The following PRKCQ variants were observed in gnomAD, a reference collection of about 807,000 sequenced individuals.
PRKCQ encodes the protein protein kinase C theta type.
A neutral mutation model predicts 91.2 loss-of-function variants in PRKCQ; 41 were observed. That is an observed-to-expected ratio of 0.45 (90% CI 0.35 to 0.58). The LOEUF is 0.58. PRKCQ is among the 20% of genes least tolerant of loss of function. PRKCQ has a pLI of 0.00. For synonymous variants in PRKCQ, 307 were observed against 316.9 expected, an observed-to-expected ratio of 0.97 and a Z score of 0.33; for missense variants, 673 against 896.5, an observed-to-expected ratio of 0.75 and a Z score of 3.18.
intron 13 of PRKCQ, among the ~76,000 whole-genome samples, chr10:6,463,989 C>G (rs1835496838): frequency 6.6e-6 from 1 of 152,202 alleles, no homozygotes. Flanking sequence ...CCCTGGGGAC[C>G]ACCCTTGAGG....
intron 1 of PRKCQ, among the ~76,000 whole-genome samples, chr10:6,529,160 C>T (rs915921987): frequency 1.3e-5 from 2 of 152,168 alleles, no homozygotes; most frequent in Non-Finnish European, 2.9e-5. Context: ...ATGAGGATTT[C>T]TATGGACAAA....
At chr10:6,415,347 T>C in the PRKCQ span, among the ~76,000 whole-genome samples, 1 of 147,588 alleles carries the variant, frequency 6.8e-6, no homozygotes, top group East Asian at 2.0e-4. Context: ...CCAACACATA[T>C]TGTAATCAAA....
chr10:6,513,447 C>CAAA (rs58606251), intron 2 of PRKCQ, among the ~76,000 whole-genome samples: 10 of 105,598 alleles, frequency 9.5e-5, no homozygotes, highest in South Asian at 6.4e-4. Flanking sequence ...AGGCCAAATG[C>CAAA]AAAAAAAAAA....
downstream of PRKCQ, among the ~76,000 whole-genome samples, chr10:6,426,166 T>C (rs1010704629): frequency 1.3e-5 from 2 of 151,368 alleles, no homozygotes; most frequent in Non-Finnish European, 3.0e-5. Context: ...GGACTTTAGA[T>C]AGCGTCTTCA....
intron 7 of PRKCQ, among the ~76,000 whole-genome samples, chr10:6,494,231 G>A (rs1437782472): frequency 3.3e-5 from 5 of 152,076 alleles, no homozygotes; most frequent in Admixed American, 3.3e-4. Flanking sequence ...CGGTTAAACT[G>A]TGGAAGCTCC....
At chr10:6,573,098 C>G (rs1052874390) in intron 1 of PRKCQ, among the ~76,000 whole-genome samples, 3 of 152,094 alleles carry the variant, frequency 2.0e-5, no homozygotes, top group Non-Finnish European at 4.4e-5. Flanking sequence ...GAAATAATTA[C>G]CCTTCCTACA....
At chr10:6,410,987 AAAAAAAAAAAG>A in the PRKCQ span, among the ~76,000 whole-genome samples, 1 of 151,850 alleles carries the variant, frequency 6.6e-6, no homozygotes, top group Non-Finnish European at 1.5e-5. Context: ...AAAAAAAAAA[AAAAAAAAAAAG>A]GTCCATTCCA....
the PRKCQ span, among the ~76,000 whole-genome samples, chr10:6,398,256 G>A: frequency 0.01 from 1,528 of 152,176 alleles, 13 homozygotes; most frequent in Non-Finnish European, 0.014. Flanking sequence ...CTAGTCTTAC[G>A]CCAGTACCAC....
chr10:6,501,423 T>C (rs1837905443), intron 4 of PRKCQ, among the ~76,000 whole-genome samples: 2 of 151,942 alleles, frequency 1.3e-5, no homozygotes, highest in Non-Finnish European at 2.9e-5. Flanking sequence ...ACTGCTGGGA[T>C]GAGAGGTGTG....
chr10:6,472,453 A>C (rs1325470341), intron 12 of PRKCQ, among the ~76,000 whole-genome samples: 1 of 152,352 alleles, frequency 6.6e-6, no homozygotes, highest in African/African-American at 2.4e-5. Flanking sequence ...TTTGGACGAG[A>C]AAACTGTAAG....
chr10:6,395,118 A>G, the PRKCQ span, among the ~76,000 whole-genome samples: 2 of 134,238 alleles, frequency 1.5e-5, no homozygotes, highest in Non-Finnish European at 3.1e-5. Context: ...GCTGGAGTGC[A>G]GTGGCTGTGA....
intron 8 of PRKCQ, among the ~76,000 whole-genome samples, chr10:6,488,991 C>T (rs1837105693): frequency 6.6e-6 from 1 of 152,142 alleles, no homozygotes; most frequent in Non-Finnish European, 1.5e-5. Context: ...CTTTGTTGCC[C>T]AGGCTGGTCT....
intron 15 of PRKCQ, among the ~76,000 whole-genome samples, chr10:6,451,173 C>A (rs1588677783): frequency 1.3e-5 from 2 of 149,850 alleles, no homozygotes; most frequent in Non-Finnish European, 3.0e-5. Flanking sequence ...AATTGATAGA[C>A]CGCTAGCAAG....
the PRKCQ span, among the ~76,000 whole-genome samples, chr10:6,401,684 G>A: frequency 1.3e-5 from 2 of 152,094 alleles, no homozygotes; most frequent in African/African-American, 4.8e-5. Flanking sequence ...GATTCCCACG[G>A]GCTTTCCTGC....
intron 2 of PRKCQ, chr10:6,512,134 C>A (rs1382206692): frequency 2.0e-5 from 3 of 152,178 alleles, no homozygotes; most frequent in African/African-American, 7.2e-5. Context: ...ATAATGAATG[C>A]TCCTTTAAGA....
chr10:6,428,432 T>A (rs1833237548), intron 17 of PRKCQ, 70 bp from the exon 18 acceptor site: 6 of 1,539,030 alleles, frequency 3.9e-6, no homozygotes, highest in Non-Finnish European at 5.3e-6. Flanking sequence ...TCTTCACTTT[T>A]GTTATCTAGG....
chr10:6,439,154 G>A (rs954846698), intron 16 of PRKCQ, among the ~76,000 whole-genome samples: 1 of 152,180 alleles, frequency 6.6e-6, no homozygotes, highest in Non-Finnish European at 1.5e-5. Flanking sequence ...GTCTCCACGT[G>A]GGTTTGCCTT....
chr10:6,401,341 C>G, the PRKCQ span, among the ~76,000 whole-genome samples: 1 of 152,190 alleles, frequency 6.6e-6, no homozygotes, highest in African/African-American at 2.4e-5. Flanking sequence ...TTCTCAAGCT[C>G]TGTACTCAAA....
chr10:6,470,822 A>T (rs1246142443), intron 12 of PRKCQ, among the ~76,000 whole-genome samples: 1 of 152,018 alleles, frequency 6.6e-6, no homozygotes, highest in African/African-American at 2.4e-5. Flanking sequence ...ATGGTGGCAC[A>T]CACCTGTAAC....
Sources: gnomAD v4.1 joint callset for allele counts (sites outside exome capture counted in the v4.1 genomes callset) on GRCh38, gnomAD v4.1.1 for gene constraint, MANE v1.5 for transcripts, NCBI Gene and HGNC (gene_info 2026-07-23, HGNC 2026-07-21) for gene names.